The following ACACA variants were observed in gnomAD, a reference collection of about 807,000 sequenced individuals.
ACACA encodes the protein acetyl-CoA carboxylase 1.
ACACA carries 103 observed loss-of-function variants against 296.1 expected under a neutral mutation model. That is an observed-to-expected ratio of 0.35 (90% CI 0.30 to 0.41). The LOEUF (loss-of-function observed/expected upper bound fraction) is 0.41. Ranked by LOEUF, ACACA falls within the 10% of genes least tolerant of loss-of-function variation. The pLI, the probability that ACACA is intolerant of heterozygous loss-of-function variation, is 1.00. For synonymous variants in ACACA, 953 were observed against 1,038.6 expected (o/e 0.92, Z 1.58); for missense variants, 1,554 against 2,989.7 (o/e 0.52, Z 11.20).
intron 45 of ACACA, chr17:37,144,312 C>G: frequency 1.8e-6 from 1 of 551,088 alleles, no homozygotes; most frequent in Admixed American, 2.4e-5. Flanking sequence ...TTTTCCACAG[C>G]GAGGCACAGA....
At chr17:37,213,531 G>A (rs1195667269) in intron 29 of ACACA, among the ~76,000 whole-genome samples, 1 of 152,036 alleles carries the variant, frequency 6.6e-6, no homozygotes, top group Non-Finnish European at 1.5e-5. Context: ...TTTCTTTCTA[G>A]TAGATTAGCT....
At chr17:37,305,908 T>G (rs565217711) in intron 3 of ACACA, among the ~76,000 whole-genome samples, 28 of 144,056 alleles carry the variant, frequency 1.9e-4, no homozygotes, top group South Asian at 1.4e-3. Flanking sequence ...TTTTTTGTTT[T>G]TTTTTTTTTT....
Position 37,406,711 on chromosome 17 carries a change from A to C in ACACA, c.-412T>G. On this transcript the variant is annotated 5_prime_UTR_variant, in exon 1 of 56. An upstream start codon of the reference 5' UTR is lost. Transcript: ENST00000616317. ...AAAGTCAGGCAAGCGGCTCAGCCCCATCCTCCCAGTCCTCGGGCACGGGGA... is the reference window on the plus strand; with the variant it reads ...AAAGTCAGGCAAGCGGCTCAGCCCCCTCCTCCCAGTCCTCGGGCACGGGGA... 3.7e-6 allele frequency: 1 copy of C among 271,384 alleles called. No homozygotes were observed. Among genetic ancestry groups the C allele is most frequent in the Admixed American group, 5.0e-5 (1 of 20,196 alleles). The allele number at this position is 271,384 out of a possible 1,614,324, so 16.8% of individuals were successfully genotyped here.
intron 38 of ACACA, among the ~76,000 whole-genome samples, chr17:37,188,945 TAC>T (rs1481782259): frequency 1.3e-5 from 2 of 152,228 alleles, no homozygotes; most frequent in Non-Finnish European, 2.9e-5. Context: ...CTTTTTTTCA[TAC>T]AGTTTTATTA....
intron 33 of ACACA, among the ~76,000 whole-genome samples, chr17:37,204,605 C>T (rs1345179808): frequency 1.3e-5 from 2 of 152,248 alleles, no homozygotes; most frequent in East Asian, 1.9e-4. Flanking sequence ...GAGGAACATA[C>T]ATTTTAGTTA....
chr17:37,373,825 G>A (rs1449323151), intron 1 of ACACA, among the ~76,000 whole-genome samples: 11 of 152,252 alleles, frequency 7.2e-5, no homozygotes, highest in African/African-American at 2.6e-4. Context: ...CCTCAGGGGA[G>A]CAGAGAATCA....
chr17:37,361,164 GA>G (rs1329128789), intron 1 of ACACA, among the ~76,000 whole-genome samples: 1 of 151,322 alleles, frequency 6.6e-6, no homozygotes, highest in Non-Finnish European at 1.5e-5. Context: ...TCAGCCTCCC[GA>G]ATAGCTGGGA....
chr17:37,115,426 A>G (rs2074197689), intron 50 of ACACA, among the ~76,000 whole-genome samples: 1 of 152,216 alleles, frequency 6.6e-6, no homozygotes, highest in Non-Finnish European at 1.5e-5. Flanking sequence ...GATATCATAC[A>G]AAGAGAGGAA....
Position 37,200,490 on chromosome 17 carries a change from G to A in ACACA, c.4057-7C>T, listed in dbSNP as rs770941442. The A allele has an allele frequency of 6.2e-7, 1 of 1,609,080 alleles. No individual in the cohort carries two copies. Among genetic ancestry groups the A allele is most frequent in the Non-Finnish European group, 8.5e-7 (1 of 1,175,562 alleles). On this transcript the variant is annotated splice_polypyrimidine_tract_variant and splice_region_variant and intron_variant, in intron 33 of 55. Coordinates refer to ENST00000616317, the MANE Select transcript of ACACA (RefSeq NM_198834.3). ...GGTCAACCAGGGTAGCTTTCTAGGA[G>A]CAAAAACATGTAAAACAGAAGATAG...
At chr17:37,178,391 C>G (rs910564360) in intron 41 of ACACA, among the ~76,000 whole-genome samples, 4 of 152,158 alleles carry the variant, frequency 2.6e-5, no homozygotes, top group Admixed American at 2.0e-4. Flanking sequence ...ACACATTTAT[C>G]ATGCTCACAA....
chr17:37,260,273 TATATATATATATATATATATATA>T (rs2081409451), intron 11 of ACACA, among the ~76,000 whole-genome samples: 24 of 28,116 alleles, frequency 8.5e-4, no homozygotes, highest in East Asian at 2.2e-3. Flanking sequence ...TATATATATA[TATATATATATATATATATATATA>T]TTTTTTTTTT....
At chr17:37,107,108 C>T (rs987412308) in intron 52 of ACACA, among the ~76,000 whole-genome samples, 5 of 152,100 alleles carry the variant, frequency 3.3e-5, no homozygotes, top group East Asian at 1.9e-4. Context: ...GCCTCCTTAC[C>T]GCAAAGGACA....
At chr17:37,180,788 T>C (rs2077289542) in intron 40 of ACACA, among the ~76,000 whole-genome samples, 1 of 152,334 alleles carries the variant, frequency 6.6e-6, no homozygotes, top group Middle Eastern at 3.4e-3. Context: ...ATTCTCATCA[T>C]ATTAATCTAG....
chr17:37,306,396 G>C (rs976509187), intron 3 of ACACA, among the ~76,000 whole-genome samples: 1 of 151,900 alleles, frequency 6.6e-6, no homozygotes, highest in Admixed American at 6.6e-5. Context: ...TTTAATGACC[G>C]ATATAACTTC....
chr17:37,164,932 TAC>T (rs1285994123), intron 41 of ACACA, among the ~76,000 whole-genome samples: 1 of 152,170 alleles, frequency 6.6e-6, no homozygotes, highest in Non-Finnish European at 1.5e-5. Context: ...AGGCAAATAA[TAC>T]TCTTATCTTT....
intron 32 of ACACA, among the ~76,000 whole-genome samples, chr17:37,206,405 GTAATC>G (rs1180666595): frequency 2.6e-5 from 4 of 151,948 alleles, no homozygotes; most frequent in Non-Finnish European, 4.4e-5. Flanking sequence ...CTTTTTTTCT[GTAATC>G]TAAAGTCCTC....
chr17:37,220,262 T>C (rs1293344515), intron 29 of ACACA, among the ~76,000 whole-genome samples: 6 of 151,206 alleles, frequency 4.0e-5, no homozygotes, highest in African/African-American at 1.2e-4. Context: ...TATCCTCAAA[T>C]AAAAAAAAGT....
At chr17:37,323,754 C>A (rs1391075720) in intron 3 of ACACA, among the ~76,000 whole-genome samples, 1 of 152,220 alleles carries the variant, frequency 6.6e-6, no homozygotes, top group Non-Finnish European at 1.5e-5. Flanking sequence ...TCCAACTGTA[C>A]TTCAACCAGA....
At chr17:37,235,418 T>A (rs899443572) in intron 24 of ACACA, among the ~76,000 whole-genome samples, 2 of 152,156 alleles carry the variant, frequency 1.3e-5, no homozygotes, top group Non-Finnish European at 2.9e-5. Flanking sequence ...GAGGTGGGTG[T>A]ACCTTAAAGA....
Sources: allele counts gnomAD v4.1 joint callset (sites outside exome capture counted in the v4.1 genomes callset), GRCh38; gene constraint gnomAD v4.1.1; transcripts MANE v1.5; gene names NCBI Gene and HGNC (gene_info 2026-07-23, HGNC 2026-07-21).